SLC24A4: variants seen among roughly 807,000 people sequenced by gnomAD.
SLC24A4 encodes solute carrier family 24 member 4.
In SLC24A4, 53 loss-of-function variants were observed where a neutral mutation model predicts 79.0. The observed-to-expected ratio is 0.67, with a 90% CI of 0.54 to 0.84. SLC24A4 has a LOEUF of 0.84. Ranked by LOEUF, SLC24A4 falls within the 40% of genes least tolerant of loss-of-function variation. The pLI is 0.00. For missense variants in SLC24A4, 731 were observed against 822.0 expected, an observed-to-expected ratio of 0.89 and a Z score of 1.35; for synonymous variants, 323 against 323.8, an observed-to-expected ratio of 1.00 and a Z score of 0.03.
chr14:92,428,737 G>T (rs1891701094), intron 2 of SLC24A4, among the ~76,000 whole-genome samples: 3 of 152,246 alleles, frequency 2.0e-5, no homozygotes, highest in Admixed American at 2.0e-4. Flanking sequence ...AGGGCCCAGG[G>T]TGAAGCCCCT....
At chr14:92,391,832 G>A (rs1889478840) in intron 2 of SLC24A4, among the ~76,000 whole-genome samples, 2 of 152,240 alleles carry the variant, frequency 1.3e-5, no homozygotes, top group Admixed American at 6.5e-5. Flanking sequence ...TGCAGCCCCA[G>A]CTGGGTTCCC....
chr14:92,489,727 G>A (rs1895573661), intron 14 of SLC24A4, among the ~76,000 whole-genome samples: 1 of 152,106 alleles, frequency 6.6e-6, no homozygotes, highest in Admixed American at 6.5e-5. Context: ...CACTGCCCTA[G>A]AAGTCCTCAA....
chr14:92,377,683 C>T (rs1390729647), intron 2 of SLC24A4, among the ~76,000 whole-genome samples: 1 of 152,064 alleles, frequency 6.6e-6, no homozygotes, highest in East Asian at 1.9e-4. Flanking sequence ...CATTCTAGAT[C>T]AGATATGCTG....
chr14:92,410,307 G>A (rs1413533553), intron 2 of SLC24A4, among the ~76,000 whole-genome samples: 9 of 152,174 alleles, frequency 5.9e-5, no homozygotes, highest in African/African-American at 7.2e-5. Context: ...TCAGCCTCCT[G>A]AGTAACTGGG....
chr14:92,427,470 A>T (rs1213556021), intron 2 of SLC24A4, among the ~76,000 whole-genome samples: 4 of 152,250 alleles, frequency 2.6e-5, no homozygotes, highest in African/African-American at 9.6e-5. Context: ...GTGTTTGTTG[A>T]AAAGCTTGTC....
rs113437460 is a variant in SLC24A4 at position 92,363,977 on chromosome 14, C to A, written c.241+37999C>A. On this transcript the variant is annotated intron_variant, in intron 2 of 16. Transcript: ENST00000532405. ...CACACAATGCCTCCTGACTGTGGCA[C>A]CTCCAGATGCTTGCAGGATTGGCCA... Among the ~76,000 whole-genome samples the A allele has an allele frequency of 6.6e-3, 1,010 of 152,326 alleles. 13 individuals are homozygous for A. The highest frequency in any genetic ancestry group is 0.022 in the African/African-American group (934 of 41,574).
chr14:92,445,583 A>G (rs1156520542), intron 8 of SLC24A4, among the ~76,000 whole-genome samples: 2 of 152,254 alleles, frequency 1.3e-5, no homozygotes, highest in Non-Finnish European at 2.9e-5. Context: ...TAAAGCAAAA[A>G]TTCTGAAAAC....
At chr14:92,470,746 A>G (rs1477099822) in intron 12 of SLC24A4, among the ~76,000 whole-genome samples, 1 of 152,178 alleles carries the variant, frequency 6.6e-6, no homozygotes, top group Non-Finnish European at 1.5e-5. Context: ...CCATCAGTAT[A>G]GGCATTGTCC....
chr14:92,323,783 G>T lies in SLC24A4; in HGVS notation c.-48G>T. 1 of 1,525,966 alleles carries T rather than the reference G, an allele frequency of 6.6e-7. No individual in the cohort carries two copies. 94.5% of individuals were successfully genotyped at this position (1,525,966 alleles called of 1,614,324 possible). A position where few individuals can be genotyped will look rare whatever the true frequency, so the allele number is the denominator to read the frequency against. On this transcript the variant is annotated 5_prime_UTR_variant, in exon 1 of 17. Coordinates refer to ENST00000532405, the MANE Select transcript of SLC24A4 (RefSeq NM_153646.4). The surrounding 1 kb of genome is among the most constrained non-coding windows in gnomAD (Gnocchi z 4.9). The stretch of plus-strand genomic sequence containing the variant: ...CTCGGCCACTGATTGCACTCTGGCC[G>T]CTGAAGCTCCCCATCCTCTCCCAGA...
intron 2 of SLC24A4, among the ~76,000 whole-genome samples, chr14:92,349,501 A>G (rs1886747667): frequency 6.6e-6 from 1 of 152,142 alleles, no homozygotes; most frequent in African/African-American, 2.4e-5. Context: ...CCGTTTTTAG[A>G]CTACAGTTTT....
chr14:92,383,271 C>T (rs909720850), intron 2 of SLC24A4, among the ~76,000 whole-genome samples: 19 of 152,218 alleles, frequency 1.2e-4, no homozygotes, highest in African/African-American at 4.6e-4. Flanking sequence ...GCAGTCTATC[C>T]TCATTCTGTG....
intron 11 of SLC24A4, 89 bp downstream of exon 11, chr14:92,454,158 C>T (rs535416770): frequency 3.9e-5 from 54 of 1,382,140 alleles, no homozygotes; most frequent in Middle Eastern, 1.9e-4. Context: ...CCATTGATCA[C>T]TGCACCTGTT....
rs565676307 is a variant in SLC24A4 at position 92,372,489 on chromosome 14, G to A, written c.241+46511G>A. Reference sequence around the variant, plus strand: ...TGTGTGCTCAGCCCCTGGGGTGTCTGAGAGGCAGGCAGAGAATGGGTAGGG... The same window carrying A: ...TGTGTGCTCAGCCCCTGGGGTGTCTAAGAGGCAGGCAGAGAATGGGTAGGG... On this transcript the variant is annotated intron_variant, in intron 2 of 16. Transcript: ENST00000532405. Among the ~76,000 whole-genome samples the A allele has an allele frequency of 4.6e-5, 7 of 152,286 alleles. No individual in the cohort carries two copies. In the South Asian group the frequency reaches 1.5e-3, roughly 32 times the overall value.
At chr14:92,407,275 C>T (rs1009471441) in intron 2 of SLC24A4, among the ~76,000 whole-genome samples, 2 of 152,228 alleles carry the variant, frequency 1.3e-5, no homozygotes, top group Admixed American at 6.5e-5. Context: ...TCACTGTCAG[C>T]ATTTTGGTCA....
intron 3 of SLC24A4, among the ~76,000 whole-genome samples, chr14:92,438,104 A>G (rs1464843417): frequency 6.6e-6 from 1 of 152,090 alleles, no homozygotes; most frequent in Non-Finnish European, 1.5e-5. Flanking sequence ...GGCAGCTCCC[A>G]CCCACCAAGG....
chr14:92,487,845 G>A (rs1895454649), intron 14 of SLC24A4, among the ~76,000 whole-genome samples: 1 of 152,050 alleles, frequency 6.6e-6, no homozygotes. Context: ...AACCTTCCTT[G>A]CCCCTTCCTA....
In SLC24A4 at chr14:92,353,290, TC is replaced by T. The variant is rs1886990900; in HGVS notation, c.241+27313del. ...AAATGTTTCTTTTCCCATCCTTTAA[TC>T]ATCTACATAGTATTCTATTGTGCGG... is the stretch of plus-strand genomic sequence containing the variant. On this transcript the variant is annotated intron_variant, in intron 2 of 16. Coordinates refer to ENST00000532405, the MANE Select transcript of SLC24A4 (RefSeq NM_153646.4). The surrounding 1 kb of genome is among the most constrained non-coding windows in gnomAD (Gnocchi z 4.1). 6.6e-6 allele frequency among the ~76,000 whole-genome samples: 1 copy of T among 152,260 alleles called. No individual in the cohort carries two copies. Among genetic ancestry groups the T allele is most frequent in the African/African-American group, 2.4e-5 (1 of 41,466 alleles).
At chr14:92,449,853 G>A (rs1234491076) in intron 10 of SLC24A4, among the ~76,000 whole-genome samples, 1 of 152,218 alleles carries the variant, frequency 6.6e-6, no homozygotes, top group Non-Finnish European at 1.5e-5. Context: ...CCGGGAACTG[G>A]GGGTCTGGGC....
At chr14:92,327,905 G>A (rs1038179843) in intron 2 of SLC24A4, among the ~76,000 whole-genome samples, 3 of 152,208 alleles carry the variant, frequency 2.0e-5, no homozygotes, top group Non-Finnish European at 2.9e-5. Context: ...TGTATTGACT[G>A]TTTCCAGAAT....
Sources: allele counts gnomAD v4.1 joint callset (sites outside exome capture counted in the v4.1 genomes callset), GRCh38; gene constraint gnomAD v4.1.1; non-coding constraint Gnocchi (gnomAD v3.1); transcripts MANE v1.5; gene names NCBI Gene and HGNC (gene_info 2026-07-23, HGNC 2026-07-21).